UGGT1: variants seen among roughly 807,000 people sequenced by gnomAD.
The protein encoded by UGGT1 is UDP-glucose:glycoprotein glucosyltransferase 1.
In UGGT1, 107 loss-of-function variants were observed where a neutral mutation model predicts 203.9. The ratio of observed to expected loss-of-function variants is 0.52; its 90% CI spans 0.45 to 0.62. UGGT1 has a LOEUF of 0.62. Among genes scored for constraint, UGGT1 ranks in the 20% least tolerant of loss-of-function variants. The pLI, the probability that UGGT1 is intolerant of heterozygous loss-of-function variation, is 0.00. For missense variants in UGGT1, 1,673 were observed against 1,867.2 expected, an observed-to-expected ratio of 0.90 and a Z score of 1.92; for synonymous variants, 628 against 653.5, an observed-to-expected ratio of 0.96 and a Z score of 0.59.
At chr2:128,156,266 C>T in intron 20 of UGGT1, 126 bp from the exon 21 acceptor site, 2 of 726,368 alleles carry the variant, frequency 2.8e-6, no homozygotes, top group Non-Finnish European at 4.8e-6. Flanking sequence ...ATGACACCGA[C>T]AGGACTAAGC....
chr2:128,189,658 G>A, intron 40 of UGGT1, 59 bp from the exon 41 acceptor site: 1 of 1,570,342 alleles, frequency 6.4e-7, no homozygotes, highest in Non-Finnish European at 8.7e-7. Context: ...TGCCCACTCA[G>A]TGGTGTTTGT....
intron 26 of UGGT1, among the ~76,000 whole-genome samples, chr2:128,169,094 C>T (rs1430131323): frequency 2.4e-5 from 2 of 82,670 alleles, no homozygotes; most frequent in Non-Finnish European, 4.8e-5. Flanking sequence ...AAAAAAAAGA[C>T]AAGGACCAGG....
Position 128,097,503 on chromosome 2 carries a change from A to G in UGGT1, c.133A>G (p.Lys45Glu). The G allele has an allele frequency of 1.2e-6, 2 of 1,614,234 alleles. No individual in the cohort carries two copies. Among genetic ancestry groups the G allele is most frequent in the Non-Finnish European group, 1.7e-6 (2 of 1,180,042 alleles). ...WLFSSVKADS[K>E]AITTSLTTKW... ...GTTCTCCTCAGTAAAGGCCGACTCA[A>G]AAGCCATTACAACCTCTCTTACAAC... The change falls in exon 2 of 41, where the codon AAA becomes GAA. Residue 45 changes from lysine to glutamate, a missense_variant. Lys to Glu is a moderately conservative substitution (Grantham distance 56). Coordinates refer to ENST00000259253, the MANE Select transcript of UGGT1 (RefSeq NM_020120.4).
chr2:128,106,052 G>T (rs1003004765), intron 3 of UGGT1, among the ~76,000 whole-genome samples: 4 of 150,990 alleles, frequency 2.6e-5, no homozygotes, highest in Non-Finnish European at 5.9e-5. Context: ...CCTGCCTCTC[G>T]CCTTGGCCTC....
intron 20 of UGGT1, 70 bp downstream of exon 20, chr2:128,155,657 G>T (rs7569288): frequency 8.3e-6 from 10 of 1,211,470 alleles, no homozygotes; most frequent in African/African-American, 1.5e-5. Context: ...TCATCTTAAT[G>T]TGCAAATTAA....
chr2:128,092,401 T>C (rs1270400400), intron 1 of UGGT1, among the ~76,000 whole-genome samples: 1 of 151,482 alleles, frequency 6.6e-6, no homozygotes, highest in East Asian at 1.9e-4. Flanking sequence ...CCTGGCCACA[T>C]GAAACTTATT....
chr2:128,104,803 C>T (rs745574742), intron 3 of UGGT1, among the ~76,000 whole-genome samples: 3 of 152,006 alleles, frequency 2.0e-5, no homozygotes, highest in Admixed American at 6.6e-5. Context: ...TTCGCCACTA[C>T]GCCTGGCTAA....
In UGGT1 at chr2:128,095,948, AG is replaced by A. The variant is rs148599941; in HGVS notation, c.59-1479del. 4.4e-3 allele frequency among the ~76,000 whole-genome samples: 670 copies of A among 152,342 alleles called. 2 individuals are homozygous for A. Among genetic ancestry groups the A allele is most frequent in the African/African-American group, 0.015 (636 of 41,578 alleles). On this transcript the variant is annotated intron_variant, in intron 1 of 40. Coordinates refer to ENST00000259253, the MANE Select transcript of UGGT1 (RefSeq NM_020120.4). ...ACCAGAGCTAACATTCTGAAGCCCA[AG>A]GATAGCTTAGTGCTTCCCACATATT...
chr2:128,177,724 T>G (rs1362867586), intron 32 of UGGT1, 108 bp from the exon 33 acceptor site: 1 of 876,662 alleles, frequency 1.1e-6, no homozygotes, highest in Admixed American at 2.9e-5. Context: ...GTGAGAGAAT[T>G]GATTGATAAT....
intron 13 of UGGT1, among the ~76,000 whole-genome samples, chr2:128,131,123 C>T (rs1688855706): frequency 6.6e-6 from 1 of 150,826 alleles, no homozygotes; most frequent in Non-Finnish European, 1.5e-5. Context: ...ATCCCAGCTC[C>T]TTGGGAGGCT....
chr2:128,142,281 C>T (rs910584530), intron 16 of UGGT1, among the ~76,000 whole-genome samples: 2 of 151,226 alleles, frequency 1.3e-5, no homozygotes, highest in Non-Finnish European at 2.9e-5. Flanking sequence ...TCATTTGACA[C>T]TTAACAAGAC....
At position 128,116,198 on chromosome 2, in the gene UGGT1, GACTAGTA is replaced by G. The variant is rs910930961; in HGVS notation, c.794-64_794-58del. ...TTATTCAATTTTATGAAGTTTATGA[GACTAGTA>G]ACGTTTTTGTTTCAAATCTGAGCAA... On this transcript the variant is annotated intron_variant, in intron 7 of 40. Coordinates refer to ENST00000259253, the MANE Select transcript of UGGT1 (RefSeq NM_020120.4). The G allele has an allele frequency of 1.6e-5, 16 of 995,492 alleles. No homozygotes were observed. In the East Asian group the frequency reaches 3.2e-4, roughly 20 times the overall value. 61.7% of individuals were successfully genotyped at this position (995,492 alleles called of 1,614,324 possible).
intron 26 of UGGT1, among the ~76,000 whole-genome samples, chr2:128,167,579 A>G (rs928301558): frequency 6.6e-6 from 1 of 152,114 alleles, no homozygotes; most frequent in African/African-American, 2.4e-5. Flanking sequence ...CTCCTGGGGG[A>G]TTCCCGTGTG....
At chr2:128,131,233 C>CAAAA (rs59665322) in intron 13 of UGGT1, among the ~76,000 whole-genome samples, 7 of 78,552 alleles carry the variant, frequency 8.9e-5, no homozygotes, top group East Asian at 3.9e-4. Context: ...ACTCTTGTCT[C>CAAAA]AAAAAAAAAA....
At position 128,107,956 on chromosome 2, in the gene UGGT1, A is replaced by G. The variant is rs1226827107; in HGVS notation, c.296A>G (p.Tyr99Cys). The change falls in exon 4 of 41, where the codon TAT (tyrosine) becomes TGT (cysteine). Residue 99 changes from tyrosine to cysteine, a missense_variant. Transcript: ENST00000259253. ...TTGACAGGTACCGATTATTCCTACT[A>G]TCATGCAATATTGGAGGCTGCATTT... ...SDHDGTDYSYYHAILEAAFQF... is the reference protein window; with the variant it reads ...SDHDGTDYSYCHAILEAAFQF... 3.7e-6 allele frequency: 6 copies of G among 1,614,162 alleles called. No individual in the cohort carries two copies. The highest frequency in any genetic ancestry group is 1.6e-4 in the Middle Eastern group (1 of 6,062).
chr2:128,117,452 A>G (rs1445668831), intron 8 of UGGT1, among the ~76,000 whole-genome samples: 2 of 152,218 alleles, frequency 1.3e-5, no homozygotes, highest in Admixed American at 6.5e-5. Context: ...AAAAAATTCC[A>G]TAATTATGTA....
At chr2:128,176,784 T>C (rs1691418018) in intron 31 of UGGT1, 30 bp from the exon 32 acceptor site, 1 of 1,596,964 alleles carries the variant, frequency 6.3e-7, no homozygotes, top group African/African-American at 1.3e-5. Context: ...AATTGTGCCT[T>C]GTAATATTGA....
At chr2:128,147,455 T>A (rs1030039195) in intron 18 of UGGT1, among the ~76,000 whole-genome samples, 4 of 152,206 alleles carry the variant, frequency 2.6e-5, no homozygotes, top group Non-Finnish European at 4.4e-5. Flanking sequence ...ATTTAAATTC[T>A]TTTTCTAATT....
chr2:128,155,842 C>T (rs1177324929), intron 20 of UGGT1, among the ~76,000 whole-genome samples: 1 of 151,668 alleles, frequency 6.6e-6, no homozygotes, highest in Non-Finnish European at 1.5e-5. Flanking sequence ...TGACTAAAGT[C>T]AAAAGGAAAA....
Sources: allele counts gnomAD v4.1 joint callset (sites outside exome capture counted in the v4.1 genomes callset), GRCh38; gene constraint gnomAD v4.1.1; transcripts MANE v1.5; gene names NCBI Gene and HGNC (gene_info 2026-07-23, HGNC 2026-07-21).